The following SDC3 variants were observed in gnomAD, a reference collection of about 807,000 sequenced individuals.
The protein encoded by SDC3 is syndecan-3.
SDC3 carries 13 observed loss-of-function variants against 24.4 expected under a neutral mutation model. The observed-to-expected ratio is 0.53, with a 90% confidence interval of 0.35 to 0.85. SDC3 has a LOEUF of 0.85. Among genes scored for constraint, SDC3 ranks in the 40% least tolerant of loss-of-function variants. The pLI, the probability that SDC3 is intolerant of heterozygous loss-of-function variation, is 0.01. For synonymous variants in SDC3, 295 were observed against 260.9 expected, an observed-to-expected ratio of 1.13 and a Z score of -1.26; for missense variants, 571 against 584.5, an observed-to-expected ratio of 0.98 and a Z score of 0.24.
At chr1:30,906,130 G>A (rs1638515134) in intron 1 of SDC3, among the ~76,000 whole-genome samples, 1 of 152,152 alleles carries the variant, frequency 6.6e-6, no homozygotes, top group Non-Finnish European at 1.5e-5. Context: ...CCTGCTGCAG[G>A]CACTGCCCTC....
Position 30,876,728 on chromosome 1 carries a change from G to T in SDC3, c.694C>A (p.Pro232Thr), listed in dbSNP as rs147765782. The change falls in exon 3 of 5, where the codon CCG becomes ACG. Residue 232 changes from proline (P) to threonine (T), a missense_variant. Pro to Thr is a conservative substitution (Grantham distance 38). This residue lies in a region of SDC3 where 497 missense variants were observed against 471.6 expected (regional missense o/e 1.05). Transcript: ENST00000339394. ...ARATTPEAPSPPTTAAVLDTE... is the reference protein window; with the variant it reads ...ARATTPEAPSTPTTAAVLDTE... ...TCCAAGACAGCCGCCGTGGTGGGCGGGGAGGGCGCCTCGGGGGTAGTGGCC... is the reference window on the plus strand; with the variant it reads ...TCCAAGACAGCCGCCGTGGTGGGCGTGGAGGGCGCCTCGGGGGTAGTGGCC... 1.1e-5 allele frequency: 17 copies of T among 1,593,418 alleles called. No homozygotes were observed. Among genetic ancestry groups the T allele is most frequent in the Non-Finnish European group, 1.5e-5 (17 of 1,169,344 alleles).
intron 4 of SDC3, 133 bp from the exon 5 acceptor site, chr1:30,873,510 ATAC>A (rs1435380673): frequency 4.8e-6 from 3 of 630,112 alleles, no homozygotes; most frequent in Non-Finnish European, 8.5e-6. Context: ...GATGGAGTCA[ATAC>A]TACTACTACC....
intron 1 of SDC3, among the ~76,000 whole-genome samples, chr1:30,891,026 A>G (rs1293563530): frequency 5.9e-5 from 9 of 152,182 alleles, no homozygotes; most frequent in Non-Finnish European, 1.2e-4. Flanking sequence ...CTCCAGACCC[A>G]GGCTATCTGC....
At chr1:30,904,276 A>T (rs916532742) in intron 1 of SDC3, among the ~76,000 whole-genome samples, 1 of 152,080 alleles carries the variant, frequency 6.6e-6, no homozygotes, top group Non-Finnish European at 1.5e-5. Context: ...TCAAAAAATT[A>T]TTGTAAGGAT....
At chr1:30,891,825 C>T (rs1341137330) in intron 1 of SDC3, among the ~76,000 whole-genome samples, 1 of 150,164 alleles carries the variant, frequency 6.7e-6, no homozygotes, top group East Asian at 1.9e-4. Flanking sequence ...TGCACTCCAG[C>T]CTGGGCGACA....
In SDC3 at chr1:30,876,952, G is replaced by C; in HGVS notation, c.470C>G (p.Thr157Ser). ...GGTAGCCATGGTAGTGGAGACGGTG[G>C]TGGCTCTCTGGCTGGGCTCTTCCGG... The part of the protein sequence containing the change: ...EVPEEPSQRA[T>S]TVSTTMATTA... The change falls in exon 3 of 5, where the codon ACC (threonine) becomes AGC (serine). Residue 157 changes from threonine to serine, a missense_variant. Transcript: ENST00000339394. 1 of 1,613,864 alleles carries C rather than the reference G, an allele frequency of 6.2e-7. No individual in the cohort carries two copies. Among genetic ancestry groups the C allele is most frequent in the Non-Finnish European group, 8.5e-7 (1 of 1,179,962 alleles).
intron 1 of SDC3, among the ~76,000 whole-genome samples, chr1:30,901,009 G>A (rs1487738072): frequency 5.3e-5 from 8 of 152,180 alleles, no homozygotes; most frequent in Non-Finnish European, 1.2e-4. Context: ...AGAAAACCCT[G>A]GCTAAGTAGG....
chr1:30,873,429 G>A (rs1453707269), intron 4 of SDC3, 52 bp from the exon 5 acceptor site: 2 of 1,454,472 alleles, frequency 1.4e-6, no homozygotes, highest in East Asian at 2.3e-5. Context: ...TAGAACCAGG[G>A]CAAAGGGTCC....
upstream of SDC3, among the ~76,000 whole-genome samples, chr1:30,909,654 G>A (rs146313379): frequency 0.013 from 1,978 of 152,274 alleles, 30 homozygotes; most frequent in Non-Finnish European, 0.021. Flanking sequence ...TCCAGCGGGG[G>A]CAGGGTTTTG....
At chr1:30,897,984 A>G (rs150814972) in intron 1 of SDC3, among the ~76,000 whole-genome samples, 9 of 152,306 alleles carry the variant, frequency 5.9e-5, no homozygotes, top group Non-Finnish European at 1.2e-4. Context: ...CCTGCAGGAC[A>G]GTACCCAAAT....
chr1:30,890,432 T>C (rs1639887588), intron 1 of SDC3, among the ~76,000 whole-genome samples: 1 of 152,238 alleles, frequency 6.6e-6, no homozygotes, highest in South Asian at 2.1e-4. Context: ...ATGAAATGTC[T>C]GGGATAGGCA....
rs1404569964 is a variant in SDC3, at chr1:30,869,954, T to G, written c.*3257A>C. 5.0e-6 allele frequency: 2 copies of G among 398,398 alleles called. No individual in the cohort carries two copies. The highest frequency in any genetic ancestry group is 4.1e-5 in the African/African-American group (2 of 48,616). The allele number at this position is 398,398 out of a possible 1,614,324, so 24.7% of individuals were successfully genotyped here. ...GATGCTGGGGCCATCGGCTCTCAGATGGCAACTCCCAGGGCCCAGTCTCGA... is the reference window on the plus strand; with the variant it reads ...GATGCTGGGGCCATCGGCTCTCAGAGGGCAACTCCCAGGGCCCAGTCTCGA... On this transcript the variant is annotated 3_prime_UTR_variant, in exon 5 of 5. Coordinates refer to ENST00000339394, the MANE Select transcript of SDC3 (RefSeq NM_014654.4).
chr1:30,902,391 C>T (rs571100567), intron 1 of SDC3, among the ~76,000 whole-genome samples: 2 of 152,074 alleles, frequency 1.3e-5, no homozygotes, highest in East Asian at 3.9e-4. Context: ...GGGAGGGGGG[C>T]CGGAAGTGAA....
chr1:30,881,905 C>T (rs1269877168), intron 1 of SDC3, among the ~76,000 whole-genome samples: 1 of 152,184 alleles, frequency 6.6e-6, no homozygotes, highest in Non-Finnish European at 1.5e-5. Flanking sequence ...TAAATTCATA[C>T]ATCTGTGCCC....
intron 1 of SDC3, among the ~76,000 whole-genome samples, chr1:30,883,417 G>A (rs138061304): frequency 9.8e-5 from 15 of 152,358 alleles, no homozygotes; most frequent in Non-Finnish European, 2.1e-4. Context: ...GAGGCGACAT[G>A]AGCAAGGGGT....
At chr1:30,878,779 A>G (rs1347476388) in intron 1 of SDC3, 39 bp from the exon 2 acceptor site, 17 of 1,571,784 alleles carry the variant, frequency 1.1e-5, no homozygotes, top group Non-Finnish European at 1.5e-5. Context: ...TCGGCACCCG[A>G]GACTGGCAGC....
chr1:30,893,989 C>G (rs1273562222), intron 1 of SDC3, among the ~76,000 whole-genome samples: 2 of 152,134 alleles, frequency 1.3e-5, no homozygotes, highest in Non-Finnish European at 2.9e-5. Flanking sequence ...ACACACCACA[C>G]ACACTGCTCC....
At position 30,869,480 on chromosome 1, in the gene SDC3, T is replaced by C; in HGVS notation, c.*3731A>G. On this transcript the variant is annotated 3_prime_UTR_variant, in exon 5 of 5. Transcript: ENST00000339394. ...GACACGGCACATCATTTCAGCTTAA[T>C]TTTATTTCCTCTTATAAATGGGCAC... 5.1e-6 allele frequency: 2 copies of C among 395,116 alleles called. No individual in the cohort carries two copies. Among genetic ancestry groups the C allele is most frequent in the Non-Finnish European group, 4.4e-6 (1 of 225,598 alleles). 24.5% of individuals were successfully genotyped at this position (395,116 alleles called of 1,614,324 possible).
intron 1 of SDC3, among the ~76,000 whole-genome samples, chr1:30,898,656 G>A (rs999352477): frequency 6.6e-6 from 1 of 152,188 alleles, no homozygotes. Flanking sequence ...GCCACGTGAA[G>A]GGAGCAGGCC....
Sources: gnomAD v4.1 joint callset for allele counts (sites outside exome capture counted in the v4.1 genomes callset) on GRCh38, gnomAD v4.1.1 for gene constraint, gnomAD v4.1.1 regional missense constraint, MANE v1.5 for transcripts, NCBI Gene and HGNC (gene_info 2026-07-23, HGNC 2026-07-21) for gene names.